DRC11L: variants seen among roughly 807,000 people sequenced by gnomAD.
DRC11L encodes the protein dynein regulatory complex subunit 11 like.
At chr7:151,194,130 A>T in the DRC11L span, 1 of 388,098 alleles carries the variant, frequency 2.6e-6, no homozygotes, top group South Asian at 1.4e-4. Flanking sequence ...TGGGCAGGGC[A>T]GGAGGACCTG....
At chr7:151,194,697 A>G in the DRC11L span, 1 of 397,124 alleles carries the variant, frequency 2.5e-6, no homozygotes. Context: ...TGTTGTCATG[A>G]AGACAGGGTA....
the DRC11L span, chr7:151,198,808 T>C: frequency 5.0e-6 from 2 of 399,132 alleles, no homozygotes; most frequent in Middle Eastern, 6.3e-4. Context: ...TGGCACTCGA[T>C]AAACCACTGT....
chr7:151,192,110 G>T, the DRC11L span, among the ~76,000 whole-genome samples: 2 of 152,164 alleles, frequency 1.3e-5, no homozygotes, highest in African/African-American at 4.8e-5. Context: ...CCACCTGCTC[G>T]CGTCCACAGA....
At chr7:151,192,221 C>A in the DRC11L span, 1 of 398,688 alleles carries the variant, frequency 2.5e-6, no homozygotes, top group Non-Finnish European at 4.4e-6. Context: ...GGGTATGGGG[C>A]GGGAGGTGGG....
chr7:151,201,786 C>T, the DRC11L span, among the ~76,000 whole-genome samples: 2 of 152,172 alleles, frequency 1.3e-5, no homozygotes, highest in African/African-American at 2.4e-5. This position sits in a 1 kb window ranked among gnomAD's most constrained non-coding sequence, Gnocchi z 4.1. Flanking sequence ...CAAGAGGCTT[C>T]CATGACAGAG....
chr7:151,201,564 G>T, the DRC11L span, among the ~76,000 whole-genome samples: 2 of 152,196 alleles, frequency 1.3e-5, no homozygotes, highest in Non-Finnish European at 2.9e-5. This position sits in a 1 kb window ranked among gnomAD's most constrained non-coding sequence, Gnocchi z 4.1. Context: ...TATCCCATTT[G>T]CAGATGATAT....
the DRC11L span, among the ~76,000 whole-genome samples, chr7:151,200,125 T>C: frequency 6.6e-6 from 1 of 151,992 alleles, no homozygotes; most frequent in African/African-American, 2.4e-5. Context: ...GGGTCCAGGA[T>C]GCTCTACACA....
At chr7:151,201,223 T>G in the DRC11L span, among the ~76,000 whole-genome samples, 1 of 152,220 alleles carries the variant, frequency 6.6e-6, no homozygotes, top group African/African-American at 2.4e-5. The surrounding 1 kb of genome is among the most constrained non-coding windows in gnomAD (Gnocchi z 4.1). Flanking sequence ...GCCCTTCTCA[T>G]CTGGGCTTCG....
the DRC11L span, among the ~76,000 whole-genome samples, chr7:151,205,062 G>A: frequency 6.6e-6 from 1 of 152,202 alleles, no homozygotes; most frequent in Non-Finnish European, 1.5e-5. Context: ...GATTAGCAGA[G>A]AGAATGGGCA....
At chr7:151,191,663 T>G in the DRC11L span, 2 of 399,308 alleles carry the variant, frequency 5.0e-6, no homozygotes, top group Non-Finnish European at 8.8e-6. Context: ...CTCCTCCCTG[T>G]ACACTGGATC....
At chr7:151,200,672 C>A in the DRC11L span, among the ~76,000 whole-genome samples, 2 of 152,036 alleles carry the variant, frequency 1.3e-5, no homozygotes, top group East Asian at 3.9e-4. Flanking sequence ...GCCCCAGGGC[C>A]CCCCAGGGAT....
At chr7:151,191,407 C>A in the DRC11L span, among the ~76,000 whole-genome samples, 3 of 152,144 alleles carry the variant, frequency 2.0e-5, no homozygotes, top group African/African-American at 7.2e-5. Context: ...GCTCCTGATA[C>A]CTCGGTGGTT....
chr7:151,194,193 C>T, the DRC11L span: 9 of 397,952 alleles, frequency 2.3e-5, no homozygotes, highest in African/African-American at 4.1e-5. Context: ...TACCCTGACC[C>T]CAGCCCTCAC....
At chr7:151,198,407 C>T in the DRC11L span, among the ~76,000 whole-genome samples, 9 of 148,346 alleles carry the variant, frequency 6.1e-5, no homozygotes, top group East Asian at 4.0e-4. Context: ...GATGGAGAGG[C>T]GGATAAAAGG....
the DRC11L span, chr7:151,200,408 C>G: frequency 2.5e-6 from 1 of 399,220 alleles, no homozygotes; most frequent in Non-Finnish European, 4.4e-6. Context: ...CATCTCCATT[C>G]GCCGGTCCTG....
the DRC11L span, among the ~76,000 whole-genome samples, chr7:151,194,928 C>T: frequency 6.6e-6 from 1 of 152,206 alleles, no homozygotes; most frequent in East Asian, 1.9e-4. Context: ...TTGAGTTAAG[C>T]ATTGCCCTCT....
At chr7:151,195,746 G>A in the DRC11L span, 1 of 398,492 alleles carries the variant, frequency 2.5e-6, no homozygotes, top group Non-Finnish European at 4.4e-6. Flanking sequence ...TGGGAAGGAG[G>A]GGAGGAGCCT....
At chr7:151,199,797 C>A in the DRC11L span, among the ~76,000 whole-genome samples, 1 of 152,238 alleles carries the variant, frequency 6.6e-6, no homozygotes, top group Non-Finnish European at 1.5e-5. This position sits in a 1 kb window ranked among gnomAD's most constrained non-coding sequence, Gnocchi z 5.2. Context: ...AGGGAGCATG[C>A]TCCGGCCACC....
the DRC11L span, among the ~76,000 whole-genome samples, chr7:151,198,415 A>AGGGT: frequency 2.6e-5 from 4 of 151,708 alleles, no homozygotes; most frequent in Non-Finnish European, 5.9e-5. Context: ...GGCGGATAAA[A>AGGGT]GGGTGGGTGG....
Sources: gnomAD v4.1 joint callset for allele counts (sites outside exome capture counted in the v4.1 genomes callset) on GRCh38, gnomAD v4.1.1 for gene constraint, Gnocchi (gnomAD v3.1) non-coding constraint, MANE v1.5 for transcripts, NCBI Gene and HGNC (gene_info 2026-07-23, HGNC 2026-07-21) for gene names.